TRIO: variants seen among roughly 807,000 people sequenced by gnomAD.
TRIO encodes the protein trio Rho guanine nucleotide exchange factor, also known as triple functional domain protein.
Under a neutral mutation model 351.9 loss-of-function variants are expected in TRIO, and 58 were observed. The observed-to-expected ratio is 0.16, with a 90% CI of 0.13 to 0.21. The LOEUF is 0.21. TRIO is among the 10% of genes least tolerant of loss of function. The pLI is 1.00. For missense variants in TRIO, 3,201 were observed against 4,027.8 expected, an observed-to-expected ratio of 0.79 and a Z score of 5.56; for synonymous variants, 1,758 against 1,595.7, an observed-to-expected ratio of 1.10 and a Z score of -2.42.
chr5:14,293,302 A>G (rs1215213898), intron 6 of TRIO, among the ~76,000 whole-genome samples, 168 bp downstream of exon 6: 4 of 152,162 alleles, frequency 2.6e-5, no homozygotes, highest in East Asian at 1.9e-4. Context: ...TTGTCTCACT[A>G]TCCCACATTT....
At chr5:14,469,479 T>C (rs1754518877) in intron 37 of TRIO, among the ~76,000 whole-genome samples, 1 of 152,248 alleles carries the variant, frequency 6.6e-6, no homozygotes, top group South Asian at 2.1e-4. Flanking sequence ...AATATTTCTG[T>C]AGACCTATCT....
intron 1 of TRIO, among the ~76,000 whole-genome samples, chr5:14,184,210 G>A (rs754532373): frequency 1.3e-5 from 2 of 152,080 alleles, no homozygotes; most frequent in Non-Finnish European, 2.9e-5. Context: ...TTTTTTAAAA[G>A]AGATTTGCTC....
At chr5:14,323,704 G>A (rs1053919147) in intron 9 of TRIO, among the ~76,000 whole-genome samples, 1 of 152,152 alleles carries the variant, frequency 6.6e-6, no homozygotes, top group Non-Finnish European at 1.5e-5. Context: ...CGTGGGAGAG[G>A]GAAAAATAAG....
At chr5:14,402,527 TGATGTA>T (rs1748165617) in intron 31 of TRIO, among the ~76,000 whole-genome samples, 1 of 151,890 alleles carries the variant, frequency 6.6e-6, no homozygotes, top group South Asian at 2.1e-4. Flanking sequence ...AGTGTAATGA[TGATGTA>T]GGTGGAGGTG....
intron 9 of TRIO, among the ~76,000 whole-genome samples, chr5:14,320,990 G>C (rs1052226660): frequency 3.3e-5 from 5 of 151,882 alleles, no homozygotes; most frequent in Admixed American, 6.6e-5. Flanking sequence ...ATTTTGATGG[G>C]GCATATCTAC....
At chr5:14,380,017 C>T (rs1290893125) in intron 20 of TRIO, among the ~76,000 whole-genome samples, 2 of 152,194 alleles carry the variant, frequency 1.3e-5, no homozygotes, top group Non-Finnish European at 2.9e-5. Context: ...CATTGCCTTT[C>T]TTGGCGCTCA....
chr5:14,339,197 A>C (rs1741710669), intron 11 of TRIO, among the ~76,000 whole-genome samples: 5 of 152,114 alleles, frequency 3.3e-5, no homozygotes, highest in Admixed American at 3.3e-4. Flanking sequence ...AGATCACACC[A>C]TTGCACTCCA....
At chr5:14,276,809 G>C (rs1396161250) in intron 2 of TRIO, among the ~76,000 whole-genome samples, 3 of 152,218 alleles carry the variant, frequency 2.0e-5, no homozygotes, top group African/African-American at 7.2e-5. Flanking sequence ...TGTGAATCTA[G>C]CTGTTTCTGT....
chr5:14,202,793 C>T (rs532034654), intron 1 of TRIO, among the ~76,000 whole-genome samples: 5 of 150,894 alleles, frequency 3.3e-5, no homozygotes, highest in Admixed American at 6.6e-5. Flanking sequence ...ACATGCCTTT[C>T]ACCTTCTGCC....
chr5:14,442,911 C>T (rs937545534), intron 34 of TRIO, among the ~76,000 whole-genome samples: 2 of 152,130 alleles, frequency 1.3e-5, no homozygotes, highest in Non-Finnish European at 2.9e-5. Context: ...CAATAGAGCA[C>T]GCCCCTCAGG....
intron 1 of TRIO, among the ~76,000 whole-genome samples, chr5:14,269,027 A>C (rs1455990008): frequency 6.6e-6 from 1 of 152,196 alleles, no homozygotes; most frequent in African/African-American, 2.4e-5. Flanking sequence ...CTGTTTTCAA[A>C]GCTTGGTGGG....
intron 1 of TRIO, among the ~76,000 whole-genome samples, chr5:14,172,591 A>G (rs1789161400): frequency 6.6e-6 from 1 of 152,202 alleles, no homozygotes; most frequent in Non-Finnish European, 1.5e-5. Context: ...ATTTGGTCAC[A>G]ATAACAGGGG....
Position 14,359,396 on chromosome 5 carries a change from C to T in TRIO, c.2256C>T (p.Ser752=). The change falls in exon 13 of 57, where the codon AGC becomes AGT. Residue 752 remains serine, a synonymous_variant. Transcript: ENST00000344204. ...AISSNKTPHN[S]SINHIETVLQ... is the part of the protein sequence containing the mutation. The stretch of plus-strand genomic sequence containing the variant: ...CCAGTAACAAGACCCCCCACAACAG[C>T]TCCATCAACCACATTGAGACGGTGC... 1 of 1,614,256 alleles carries T rather than the reference C, an allele frequency of 6.2e-7. No homozygotes were observed. Among genetic ancestry groups the T allele is most frequent in the Non-Finnish European group, 8.5e-7 (1 of 1,180,032 alleles).
At chr5:14,457,929 G>C (rs2126477332) in intron 34 of TRIO, among the ~76,000 whole-genome samples, 1 of 152,258 alleles carries the variant, frequency 6.6e-6, no homozygotes, top group African/African-American at 2.4e-5. Flanking sequence ...AAAAATGTCT[G>C]TGAGGTTGAT....
intron 46 of TRIO, among the ~76,000 whole-genome samples, chr5:14,483,558 C>T (rs550519475): frequency 3.9e-5 from 6 of 152,296 alleles, no homozygotes; most frequent in East Asian, 1.9e-4. Context: ...CTCCCCCATC[C>T]GACTCTCCGT....
intron 34 of TRIO, among the ~76,000 whole-genome samples, chr5:14,443,427 T>G (rs1284827717): frequency 1.3e-5 from 2 of 152,204 alleles, no homozygotes; most frequent in Non-Finnish European, 2.9e-5. Context: ...TGTTTTAATA[T>G]TCTGATTTTA....
At chr5:14,268,404 G>A (rs937204227) in intron 1 of TRIO, among the ~76,000 whole-genome samples, 4 of 152,170 alleles carry the variant, frequency 2.6e-5, no homozygotes, top group Non-Finnish European at 5.9e-5. Flanking sequence ...CTCTCTATTG[G>A]GATATCAGCA....
rs543075304 is a variant in TRIO at position 14,238,375 on chromosome 5, C to T, written c.158-32450C>T. Reference sequence around the variant, plus strand: ...ATACTGTCAGTGCTAGGGTTTTTTCCCTCCTGCATGGTATGGTGTTAAGTA... The same window carrying T: ...ATACTGTCAGTGCTAGGGTTTTTTCTCTCCTGCATGGTATGGTGTTAAGTA... On this transcript the variant is annotated intron_variant, in intron 1 of 56. Coordinates refer to ENST00000344204, the MANE Select transcript of TRIO (RefSeq NM_007118.4). Among the ~76,000 whole-genome samples the T allele has an allele frequency of 2.6e-5, 4 of 152,152 alleles. No homozygotes were observed. The South Asian group carries it at 8.3e-4, about 32-fold the overall frequency.
At chr5:14,351,203 G>A (rs943466986) in intron 11 of TRIO, among the ~76,000 whole-genome samples, 4 of 152,152 alleles carry the variant, frequency 2.6e-5, no homozygotes, top group African/African-American at 7.2e-5. Flanking sequence ...GGTGCTTCCC[G>A]GACTCTACTC....
Sources: gnomAD v4.1 joint callset for allele counts (sites outside exome capture counted in the v4.1 genomes callset) on GRCh38, gnomAD v4.1.1 for gene constraint, MANE v1.5 for transcripts, NCBI Gene and HGNC (gene_info 2026-07-23, HGNC 2026-07-21) for gene names.